The following ALPK1 variants were observed in gnomAD, a reference collection of about 807,000 sequenced individuals.
The protein encoded by ALPK1 is alpha kinase 1, also known as alpha-protein kinase 1.
ALPK1 carries 110 observed loss-of-function variants against 120.6 expected under a neutral mutation model. That is an observed-to-expected ratio of 0.91 (90% CI 0.78 to 1.07). The LOEUF is 1.07. ALPK1 is among the 50% of genes least tolerant of loss of function. The pLI is 0.00. For synonymous variants in ALPK1, 582 were observed against 560.3 expected, an observed-to-expected ratio of 1.04 and a Z score of -0.55; for missense variants, 1,498 against 1,483.9, an observed-to-expected ratio of 1.01 and a Z score of -0.16.
At chr4:112,390,760 T>C (rs750759480) in intron 4 of ALPK1, among the ~76,000 whole-genome samples, 1 of 152,220 alleles carries the variant, frequency 6.6e-6, no homozygotes, top group African/African-American at 2.4e-5. Flanking sequence ...ATAATGCCCA[T>C]GTATCTCTCA....
chr4:112,413,994 G>A (rs935590419), intron 5 of ALPK1, among the ~76,000 whole-genome samples: 8 of 152,098 alleles, frequency 5.3e-5, no homozygotes, highest in South Asian at 2.1e-4. Flanking sequence ...TTGTGTAAAC[G>A]TCTACCCCAA....
At chr4:112,305,941 G>C (rs892238196) in intron 1 of ALPK1, among the ~76,000 whole-genome samples, 4 of 152,024 alleles carry the variant, frequency 2.6e-5, no homozygotes, top group Non-Finnish European at 5.9e-5. Flanking sequence ...CTAATTTATT[G>C]AGAGTTTTTA....
At chr4:112,394,037 T>A (rs1732543460) in intron 4 of ALPK1, among the ~76,000 whole-genome samples, 1 of 152,162 alleles carries the variant, frequency 6.6e-6, no homozygotes, top group Non-Finnish European at 1.5e-5. Flanking sequence ...GGTCTTCTAT[T>A]TCAAGCCCAT....
At chr4:112,332,796 T>C (rs531838179) in intron 2 of ALPK1, among the ~76,000 whole-genome samples, 1 of 152,330 alleles carries the variant, frequency 6.6e-6, no homozygotes, top group South Asian at 2.1e-4. Context: ...TGGACTGTAG[T>C]GGTGTTATAT....
At chr4:112,322,800 T>C (rs1314399423) in intron 2 of ALPK1, among the ~76,000 whole-genome samples, 1 of 152,216 alleles carries the variant, frequency 6.6e-6, no homozygotes, top group African/African-American at 2.4e-5. Flanking sequence ...TAATACCCAT[T>C]TATGTCATTT....
chr4:112,372,463 C>T (rs1334165811), intron 2 of ALPK1, among the ~76,000 whole-genome samples: 1 of 152,138 alleles, frequency 6.6e-6, no homozygotes. Flanking sequence ...CCTGCATTGG[C>T]CTCCCAAAGT....
intron 2 of ALPK1, chr4:112,358,211 G>A: frequency 1.7e-6 from 1 of 600,278 alleles, no homozygotes; most frequent in South Asian, 1.5e-5. Context: ...CAACAGGGCT[G>A]TCTTCCTCTG....
chr4:112,388,794 A>G (rs1212524983), intron 4 of ALPK1, among the ~76,000 whole-genome samples: 1 of 152,218 alleles, frequency 6.6e-6, no homozygotes, highest in Non-Finnish European at 1.5e-5. Context: ...ACAGAGGGCA[A>G]CCCTTGTCAA....
intron 2 of ALPK1, among the ~76,000 whole-genome samples, chr4:112,346,064 T>C (rs965125495): frequency 6.6e-6 from 1 of 152,230 alleles, no homozygotes; most frequent in Non-Finnish European, 1.5e-5. Context: ...GGTTTCTCCA[T>C]GTTGATCAGG....
chr4:112,357,170 A>G (rs1730672240), intron 2 of ALPK1: 1 of 1,534,686 alleles, frequency 6.5e-7, no homozygotes, highest in Admixed American at 1.7e-5. Flanking sequence ...AGGGAGCTAC[A>G]TCTTTGAGCT....
intron 2 of ALPK1, among the ~76,000 whole-genome samples, chr4:112,338,520 C>CA (rs1226187394): frequency 1.3e-5 from 2 of 151,584 alleles, no homozygotes; most frequent in Non-Finnish European, 2.9e-5. Flanking sequence ...AACAGACAAT[C>CA]GAAAAAAATA....
chr4:112,442,408 T>A lies in ALPK1; in HGVS notation c.*1198T>A, dbSNP rs1735073702. On this transcript the variant is annotated 3_prime_UTR_variant, in exon 16 of 16. Coordinates refer to ENST00000650871, the MANE Select transcript of ALPK1 (RefSeq NM_025144.4). The stretch of plus-strand genomic sequence containing the variant: ...CTTGTTCTCACTTATAGGTGAGAGC[T>A]AAGTGATGAGAGTAGGTGGACACAT... The A allele has an allele frequency of 6.6e-6, 1 of 152,112 alleles. No individual in the cohort carries two copies. The highest frequency in any genetic ancestry group is 6.5e-5 in the Admixed American group (1 of 15,276). The allele number at this position is 152,112 out of a possible 1,614,324, so 9.4% of individuals were successfully genotyped here.
At chr4:112,362,041 G>A (rs760467586) in intron 2 of ALPK1, among the ~76,000 whole-genome samples, 5 of 152,212 alleles carry the variant, frequency 3.3e-5, no homozygotes, top group African/African-American at 4.8e-5. Flanking sequence ...GGAAGGGGGA[G>A]AGCCTCACAT....
intron 2 of ALPK1, chr4:112,357,442 G>A: frequency 1.4e-6 from 1 of 705,578 alleles, no homozygotes. Context: ...CTGATGCCTG[G>A]AGCACCACTG....
At chr4:112,303,216 A>C (rs1392176814) in intron 1 of ALPK1, among the ~76,000 whole-genome samples, 2 of 152,038 alleles carry the variant, frequency 1.3e-5, no homozygotes, top group African/African-American at 4.8e-5. Flanking sequence ...GGATGTACTT[A>C]ACACTAATAT....
intron 2 of ALPK1, among the ~76,000 whole-genome samples, chr4:112,348,823 CT>C (rs947370406): frequency 6.6e-6 from 1 of 152,232 alleles, no homozygotes; most frequent in Non-Finnish European, 1.5e-5. Flanking sequence ...AGGCCCACCC[CT>C]AGGCGCCTTT....
At chr4:112,422,224 A>C (rs1449033211) in intron 5 of ALPK1, among the ~76,000 whole-genome samples, 2 of 152,196 alleles carry the variant, frequency 1.3e-5, no homozygotes, top group Non-Finnish European at 2.9e-5. Context: ...TTTTCCATTT[A>C]ATATTTTTGG....
At chr4:112,367,920 G>A (rs1731229617) in intron 2 of ALPK1, among the ~76,000 whole-genome samples, 2 of 151,254 alleles carry the variant, frequency 1.3e-5, no homozygotes. Flanking sequence ...TTTTCTTTTG[G>A]AGACGGAGTC....
chr4:112,382,539 T>A lies in ALPK1; in HGVS notation c.263T>A (p.Leu88Ter). The A allele has an allele frequency of 6.2e-7, 1 of 1,614,160 alleles. No homozygotes were observed. The highest frequency in any genetic ancestry group is 8.5e-7 in the Non-Finnish European group (1 of 1,180,016). The part of the protein sequence containing the change: ...TNLKDVIGAG[L>*]QQLLASLRAS... ...CTGAAGGATGTGATTGGCGCCGGGT[T>A]GCAGCAGTTACTGGTAGGAAGAGCC... Residue 88 changes from leucine to a stop codon, truncating the protein, a stop_gained, in exon 4 of 16, where the codon TTG becomes TAG. Coordinates refer to ENST00000650871, the MANE Select transcript of ALPK1 (RefSeq NM_025144.4). LOFTEE classifies it high-confidence loss of function.
Sources: gnomAD v4.1 joint callset for allele counts (sites outside exome capture counted in the v4.1 genomes callset) on GRCh38, gnomAD v4.1.1 for gene constraint, MANE v1.5 for transcripts, NCBI Gene and HGNC (gene_info 2026-07-23, HGNC 2026-07-21) for gene names.